SCN8A: variants seen among roughly 807,000 people sequenced by gnomAD.
SCN8A encodes the protein sodium voltage-gated channel alpha subunit 8, also known as sodium channel protein type 8 subunit alpha.
A neutral mutation model predicts 184.1 loss-of-function variants in SCN8A; 30 were observed. The observed-to-expected ratio is 0.16, with a 90% CI of 0.12 to 0.22. SCN8A has a LOEUF of 0.22. Ranked by LOEUF, SCN8A falls within the 10% of genes least tolerant of loss-of-function variation. The pLI, the probability that SCN8A is intolerant of heterozygous loss-of-function variation, is 1.00. For missense variants in SCN8A, 1,057 were observed against 2,498.9 expected (o/e 0.42, Z 12.30); for synonymous variants, 852 against 907.0 (o/e 0.94, Z 1.09).
intron 6 of SCN8A, among the ~76,000 whole-genome samples, chr12:51,692,656 TTA>T (rs900360982): frequency 4.6e-5 from 7 of 152,338 alleles, no homozygotes; most frequent in African/African-American, 1.7e-4. Flanking sequence ...GCCTAAAAGT[TTA>T]TATGTCTTAA....
chr12:51,591,929 G>C lies in SCN8A; in HGVS notation c.-55+570G>C, dbSNP rs566456346. The stretch of plus-strand genomic sequence containing the variant: ...CTCTGTCCTTTACTCGGATGCGTTC[G>C]TCCCCCTCCCAACAGGGTGCTCTGG... On this transcript the variant is annotated intron_variant, in intron 1 of 26. Coordinates refer to ENST00000627620, the MANE Select transcript of SCN8A (RefSeq NM_001330260.2). Among the ~76,000 whole-genome samples the C allele has an allele frequency of 1.3e-3, 199 of 151,208 alleles. 2 individuals carry two copies. The highest frequency in any genetic ancestry group is 4.6e-3 in the African/African-American group (189 of 41,078).
intron 10 of SCN8A, 82 bp from the exon 11 acceptor site, chr12:51,706,340 A>G (rs1941782578): frequency 7.6e-7 from 1 of 1,318,246 alleles, no homozygotes; most frequent in African/African-American, 1.5e-5. Flanking sequence ...CAGTAGGGAA[A>G]TGTTCTGTAC....
intron 2 of SCN8A, among the ~76,000 whole-genome samples, chr12:51,670,300 C>A (rs990582093): frequency 1.3e-5 from 2 of 152,174 alleles, no homozygotes; most frequent in African/African-American, 4.8e-5. Flanking sequence ...GATCCCATCC[C>A]TGTGTAATTC....
At chr12:51,786,890 C>T in intron 22 of SCN8A, 64 bp downstream of exon 22, 1 of 1,458,756 alleles carries the variant, frequency 6.9e-7, no homozygotes, top group Non-Finnish European at 9.3e-7. Context: ...GCACAAATCC[C>T]ATTTGGCTTC....
chr12:51,789,208 C>T (rs1433276538), intron 23 of SCN8A, 73 bp from the exon 24 acceptor site: 11 of 1,536,608 alleles, frequency 7.2e-6, no homozygotes, highest in East Asian at 6.8e-5. Context: ...GTCACAGTTA[C>T]GGCTGATGGC....
At chr12:51,754,569 G>A (rs1350572567) in intron 14 of SCN8A, among the ~76,000 whole-genome samples, 2 of 152,024 alleles carry the variant, frequency 1.3e-5, no homozygotes, top group Non-Finnish European at 2.9e-5. Context: ...TAATTCTCAG[G>A]CCCTATTCAA....
At chr12:51,645,885 C>T (rs1378491128) in intron 1 of SCN8A, among the ~76,000 whole-genome samples, 1 of 148,334 alleles carries the variant, frequency 6.7e-6, no homozygotes, top group Non-Finnish European at 1.5e-5. Context: ...GCTGACCTTC[C>T]CTCCACTATT....
intron 19 of SCN8A, among the ~76,000 whole-genome samples, chr12:51,772,697 G>A (rs1218310540): frequency 4.0e-5 from 6 of 151,706 alleles, no homozygotes; most frequent in Non-Finnish European, 8.8e-5. Flanking sequence ...TGATGAAAGT[G>A]GAGCCGGGCA....
Position 51,806,263 on chromosome 12 carries a change from C to T in SCN8A, c.4796-19C>T. The T allele has an allele frequency of 1.3e-6, 2 of 1,505,248 alleles. No homozygotes were observed. The highest frequency in any genetic ancestry group is 8.9e-7 in the Non-Finnish European group (1 of 1,128,318). 93.2% of individuals were successfully genotyped at this position (1,505,248 alleles called of 1,614,324 possible). On this transcript the variant is annotated intron_variant, in intron 26 of 26. Transcript: ENST00000627620. The surrounding 1 kb of genome is among the most constrained non-coding windows in gnomAD (Gnocchi z 8.7). Reference sequence around the variant, plus strand: ...GTCTCCCATCTCAATAACATAACTTCTTCTATTCCTCTTCTTAGGAATGTT... The same window carrying T: ...GTCTCCCATCTCAATAACATAACTTTTTCTATTCCTCTTCTTAGGAATGTT...
rs1453445176 is a variant in SCN8A, at chr12:51,808,660, T to C, written c.*1231T>C. 1 of 152,218 alleles carries C rather than the reference T, an allele frequency of 6.6e-6. No individual in the cohort carries two copies. The highest frequency in any genetic ancestry group is 6.5e-5 in the Admixed American group (1 of 15,288). The allele number at this position is 152,218 out of a possible 1,614,324, so 9.4% of individuals were successfully genotyped here. A position where few individuals can be genotyped will look rare whatever the true frequency, so the allele number is the denominator to read the frequency against. ...TAGGGGTAATTTGGGGAACTTAAAA[T>C]GACCTTTCATTGGGAGTTATGGGGT... is the stretch of plus-strand genomic sequence containing the variant. On this transcript the variant is annotated 3_prime_UTR_variant, in exon 27 of 27. Transcript: ENST00000627620.
chr12:51,700,103 T>G (rs1592388299), intron 7 of SCN8A, among the ~76,000 whole-genome samples: 1 of 151,390 alleles, frequency 6.6e-6, no homozygotes. Context: ...GAGGCGGAGG[T>G]TGCGGTGAGC....
intron 1 of SCN8A, among the ~76,000 whole-genome samples, chr12:51,631,183 C>T (rs978627012): frequency 2.6e-5 from 4 of 152,168 alleles, no homozygotes; most frequent in South Asian, 2.1e-4. Flanking sequence ...TGTGGGAAGG[C>T]GTATTTTTGG....
chr12:51,656,443 T>C (rs191630533), intron 1 of SCN8A, among the ~76,000 whole-genome samples: 2 of 152,298 alleles, frequency 1.3e-5, no homozygotes, highest in East Asian at 3.9e-4. Flanking sequence ...AAAAGACTGA[T>C]AGATTGGATT....
chr12:51,591,824 C>G (rs934176516), intron 1 of SCN8A, among the ~76,000 whole-genome samples: 8 of 151,912 alleles, frequency 5.3e-5, no homozygotes, highest in Non-Finnish European at 2.9e-5. Context: ...CATCCTTCTC[C>G]CTCAGCCGGC....
chr12:51,661,622 TAAAAA>T (rs555368134), intron 1 of SCN8A, among the ~76,000 whole-genome samples: 3 of 150,216 alleles, frequency 2.0e-5, no homozygotes, highest in Non-Finnish European at 4.4e-5. Context: ...TCTTTAGTCT[TAAAAA>T]AAAAATTCCT....
intron 12 of SCN8A, among the ~76,000 whole-genome samples, chr12:51,734,538 C>T (rs551543079): frequency 3.2e-4 from 49 of 152,352 alleles, no homozygotes; most frequent in African/African-American, 6.7e-4. Context: ...TGCCTTTAAG[C>T]GGTTTTCCAC....
chr12:51,701,219 AC>A lies in SCN8A; in HGVS notation c.992+14del. 1 of 1,560,572 alleles carries A rather than the reference AC, an allele frequency of 6.4e-7. No homozygotes were observed. The highest frequency in any genetic ancestry group is 8.7e-7 in the Non-Finnish European group (1 of 1,147,962). On this transcript the variant is annotated intron_variant, in intron 8 of 26. Coordinates refer to ENST00000627620, the MANE Select transcript of SCN8A (RefSeq NM_001330260.2). ...AGTTCTGATGCTGGGTAAGTAGCTCACCTAGTTTTATTCTCTTTCCTTAAAA... is the reference window on the plus strand; with the variant it reads ...AGTTCTGATGCTGGGTAAGTAGCTCACTAGTTTTATTCTCTTTCCTTAAAA...
At chr12:51,688,572 A>C (rs1208817085) in intron 5 of SCN8A, among the ~76,000 whole-genome samples, 1 of 152,182 alleles carries the variant, frequency 6.6e-6, no homozygotes, top group Non-Finnish European at 1.5e-5. Context: ...CTCCTTTCTA[A>C]TATACTTTTG....
chr12:51,719,912 T>C (rs1247124847), intron 11 of SCN8A, among the ~76,000 whole-genome samples: 3 of 151,722 alleles, frequency 2.0e-5, no homozygotes, highest in African/African-American at 7.3e-5. Context: ...CCGTCTCTAC[T>C]AAAAATACAA....
Sources: allele counts gnomAD v4.1 joint callset (sites outside exome capture counted in the v4.1 genomes callset), GRCh38; gene constraint gnomAD v4.1.1; non-coding constraint Gnocchi (gnomAD v3.1); transcripts MANE v1.5; gene names NCBI Gene and HGNC (gene_info 2026-07-23, HGNC 2026-07-21).